The following ADAMTS6 variants were observed in gnomAD, a reference collection of about 807,000 sequenced individuals.
The protein encoded by ADAMTS6 is A disintegrin and metalloproteinase with thrombospondin motifs 6.
ADAMTS6 carries 23 observed loss-of-function variants against 144.3 expected under a neutral mutation model. That is an observed-to-expected ratio of 0.16 (90% CI 0.11 to 0.23). ADAMTS6 has a LOEUF of 0.23. ADAMTS6 is among the 10% of genes least tolerant of loss of function. ADAMTS6 has a pLI of 1.00. For synonymous variants in ADAMTS6, 444 were observed against 457.5 expected, an observed-to-expected ratio of 0.97 and a Z score of 0.38; for missense variants, 999 against 1,379.6, an observed-to-expected ratio of 0.72 and a Z score of 4.37.
In ADAMTS6 at chr5:65,367,965, C is replaced by CA. The variant is rs1167228990; in HGVS notation, c.1074-33881dup. On this transcript the variant is annotated intron_variant, in intron 7 of 24. Coordinates refer to ENST00000381055, the MANE Select transcript of ADAMTS6 (RefSeq NM_197941.4). ...GATTGTACCATGGCATATTTTACTA[C>CA]AAAAAAATTATCTTTTTTAATTCAT... 3.3e-5 allele frequency among the ~76,000 whole-genome samples: 5 copies of CA among 151,670 alleles called. No individual in the cohort carries two copies. In the East Asian group the frequency reaches 5.8e-4, roughly 18 times the overall value.
chr5:65,248,204 A>C (rs975443150), intron 14 of ADAMTS6, among the ~76,000 whole-genome samples: 1 of 152,194 alleles, frequency 6.6e-6, no homozygotes, highest in Non-Finnish European at 1.5e-5. Context: ...AATACAGTTA[A>C]ATTTAGTGGT....
chr5:65,323,127 T>C (rs138758109), intron 9 of ADAMTS6, among the ~76,000 whole-genome samples: 1,796 of 152,212 alleles, frequency 0.012, 39 homozygotes, highest in African/African-American at 0.041. Context: ...AATTTTATTG[T>C]TATTATACTT....
intron 9 of ADAMTS6, among the ~76,000 whole-genome samples, chr5:65,310,229 A>G (rs1159573608): frequency 6.6e-6 from 1 of 152,070 alleles, no homozygotes; most frequent in Non-Finnish European, 1.5e-5. Context: ...TGCCAGCATC[A>G]TGCTTTCTGT....
chr5:65,295,889 G>A (rs895158501), intron 10 of ADAMTS6, among the ~76,000 whole-genome samples: 4 of 151,958 alleles, frequency 2.6e-5, no homozygotes, highest in Non-Finnish European at 4.4e-5. Context: ...ATTTAGAGAG[G>A]TCTTATTTAC....
intron 7 of ADAMTS6, among the ~76,000 whole-genome samples, chr5:65,383,468 C>T (rs1019570180): frequency 1.3e-5 from 2 of 152,080 alleles, no homozygotes; most frequent in Admixed American, 6.6e-5. Flanking sequence ...AGTTCAAAAC[C>T]CAACAGGGCA....
intron 7 of ADAMTS6, among the ~76,000 whole-genome samples, chr5:65,360,015 T>C (rs1193649089): frequency 6.6e-6 from 1 of 152,206 alleles, no homozygotes; most frequent in Non-Finnish European, 1.5e-5. Flanking sequence ...AATAACTGTA[T>C]GTATGTATAT....
intron 7 of ADAMTS6, among the ~76,000 whole-genome samples, chr5:65,355,345 A>C (rs1482185713): frequency 6.6e-6 from 1 of 151,848 alleles, no homozygotes; most frequent in Admixed American, 6.6e-5. Context: ...ATTAGTTGGA[A>C]AATTTATCTT....
At chr5:65,375,245 C>T (rs1751405076) in intron 7 of ADAMTS6, among the ~76,000 whole-genome samples, 1 of 152,068 alleles carries the variant, frequency 6.6e-6, no homozygotes, top group Non-Finnish European at 1.5e-5. Flanking sequence ...GTAACAAAAG[C>T]CAAAATTGAC....
chr5:65,212,423 C>CTTT lies in ADAMTS6; in HGVS notation c.2575+2368_2575+2370dup, dbSNP rs397881866. On this transcript the variant is annotated intron_variant, in intron 20 of 24. Coordinates refer to ENST00000381055, the MANE Select transcript of ADAMTS6 (RefSeq NM_197941.4). ...CTCCCTTCCAGAGGCTTTTCTCTCT[C>CTTT]TTTTTTTTTTTTTTTTTTTTTTTAC... 6.5e-4 allele frequency among the ~76,000 whole-genome samples: 70 copies of CTTT among 107,820 alleles called. 1 individual carries two copies. The highest frequency in any genetic ancestry group is 8.1e-4 in the African/African-American group (23 of 28,496). The allele number at this position is 107,820 out of a possible 152,430, so 70.7% of individuals were successfully genotyped here. A position where few individuals can be genotyped will look rare whatever the true frequency, so the allele number is the denominator to read the frequency against.
chr5:65,279,691 A>C (rs1762840762), intron 11 of ADAMTS6, among the ~76,000 whole-genome samples: 1 of 152,110 alleles, frequency 6.6e-6, no homozygotes, highest in African/African-American at 2.4e-5. Flanking sequence ...TCTTTCTTTG[A>C]TTCTAAAAAA....
intron 14 of ADAMTS6, among the ~76,000 whole-genome samples, chr5:65,257,475 C>T (rs559822005): frequency 6.6e-6 from 1 of 152,158 alleles, no homozygotes; most frequent in South Asian, 2.1e-4. Context: ...TCCCTGTTAG[C>T]CCTCTTTGGA....
chr5:65,240,046 T>C (rs1759037814), intron 15 of ADAMTS6, among the ~76,000 whole-genome samples: 1 of 152,176 alleles, frequency 6.6e-6, no homozygotes, highest in African/African-American at 2.4e-5. Flanking sequence ...AAAATGATAG[T>C]ACACAAATGT....
intron 7 of ADAMTS6, among the ~76,000 whole-genome samples, chr5:65,350,661 G>A (rs1012316132): frequency 6.6e-5 from 10 of 151,892 alleles, no homozygotes; most frequent in African/African-American, 2.2e-4. Context: ...TTTTGGGGGC[G>A]TGAGGGGGTG....
intron 24 of ADAMTS6, among the ~76,000 whole-genome samples, chr5:65,170,069 A>G (rs1753518836): frequency 6.6e-6 from 1 of 152,232 alleles, no homozygotes; most frequent in Non-Finnish European, 1.5e-5. Flanking sequence ...AACAAAACAG[A>G]AAGAGAAATT....
intron 7 of ADAMTS6, among the ~76,000 whole-genome samples, chr5:65,439,189 G>A (rs1181188855): frequency 6.6e-6 from 1 of 152,002 alleles, no homozygotes; most frequent in Non-Finnish European, 1.5e-5. Context: ...GAAAAAAAAA[G>A]TAGAATGCCA....
intron 1 of ADAMTS6, among the ~76,000 whole-genome samples, chr5:65,480,944 A>G (rs185370616): frequency 2.0e-4 from 30 of 152,368 alleles, no homozygotes; most frequent in South Asian, 4.1e-4. Flanking sequence ...TACAAAATGC[A>G]TAAGACTTTT....
At chr5:65,224,254 G>A in intron 18 of ADAMTS6, 66 bp downstream of exon 18, 1 of 1,330,098 alleles carries the variant, frequency 7.5e-7, no homozygotes, top group South Asian at 1.2e-5. Flanking sequence ...TTTCCTTCAT[G>A]ATACTGTGCT....
At chr5:65,448,674 T>C (rs1435084448) in intron 7 of ADAMTS6, among the ~76,000 whole-genome samples, 1 of 152,034 alleles carries the variant, frequency 6.6e-6, no homozygotes, top group African/African-American at 2.4e-5. Flanking sequence ...CAGATGGTCT[T>C]GATCTCCTGA....
In ADAMTS6 at chr5:65,242,159, G is replaced by C. The variant is rs1759247723; in HGVS notation, c.1878C>G (p.Asp626Glu). 1 of 1,603,264 alleles carries C rather than the reference G, an allele frequency of 6.2e-7. No individual in the cohort carries two copies. Among genetic ancestry groups the C allele is most frequent in the African/African-American group, 1.3e-5 (1 of 74,740 alleles). The change falls in exon 15 of 25, where the codon GAC becomes GAG. Residue 626 changes from aspartate (D) to glutamate (E), a missense_variant. This residue lies in a region of ADAMTS6 where 619 missense variants were observed against 837.0 expected (regional missense o/e 0.74). Coordinates refer to ENST00000381055, the MANE Select transcript of ADAMTS6 (RefSeq NM_197941.4). ...SRDFREKQCA[D>E]FDNMPFRGKY... ...TTCCTCGGAAAGGCATATTGTCAAAGTCTGCACACTGTTTCTCTCGAAAAT... is the reference window on the plus strand; with the variant it reads ...TTCCTCGGAAAGGCATATTGTCAAACTCTGCACACTGTTTCTCTCGAAAAT...
Sources: gnomAD v4.1 joint callset for allele counts (sites outside exome capture counted in the v4.1 genomes callset) on GRCh38, gnomAD v4.1.1 for gene constraint, gnomAD v4.1.1 regional missense constraint, MANE v1.5 for transcripts, NCBI Gene and HGNC (gene_info 2026-07-23, HGNC 2026-07-21) for gene names.